SV2C: variants seen among roughly 807,000 people sequenced by gnomAD.
The protein encoded by SV2C is synaptic vesicle glycoprotein 2C.
A neutral mutation model predicts 79.7 loss-of-function variants in SV2C; 49 were observed. The ratio of observed to expected loss-of-function variants is 0.61; its 90% CI spans 0.49 to 0.78. The LOEUF is 0.78. SV2C is among the 30% of genes least tolerant of loss of function. SV2C has a pLI of 0.00. For synonymous variants in SV2C, 334 were observed against 333.2 expected (o/e 1.00, Z -0.03); for missense variants, 833 against 912.9 (o/e 0.91, Z 1.13).
intron 4 of SV2C, among the ~76,000 whole-genome samples, chr5:76,280,698 C>G (rs1021425555): frequency 1.3e-5 from 2 of 152,160 alleles, no homozygotes; most frequent in African/African-American, 2.4e-5. Context: ...CGGGGGGTGC[C>G]TGGGAGGCAG....
chr5:75,969,863 AATATAC>A, the SV2C span, among the ~76,000 whole-genome samples: 5 of 152,132 alleles, frequency 3.3e-5, no homozygotes, highest in African/African-American at 1.2e-4. Flanking sequence ...AAATCAACAG[AATATAC>A]ATTCTTCTCA....
At chr5:76,024,866 T>C in the SV2C span, among the ~76,000 whole-genome samples, 560 of 152,294 alleles carry the variant, frequency 3.7e-3, 7 homozygotes, top group African/African-American at 0.013. Flanking sequence ...AATCTGCTTG[T>C]AAGTGGGCCC....
At chr5:76,198,331 A>G (rs1288769307) in intron 3 of SV2C, among the ~76,000 whole-genome samples, 1 of 152,104 alleles carries the variant, frequency 6.6e-6, no homozygotes, top group Non-Finnish European at 1.5e-5. Context: ...TTATTGCTCT[A>G]TTAGTTCTCA....
At chr5:75,923,883 T>C in the SV2C span, among the ~76,000 whole-genome samples, 5 of 152,192 alleles carry the variant, frequency 3.3e-5, no homozygotes, top group African/African-American at 1.2e-4. Flanking sequence ...AGATCTACCA[T>C]TCGAACCAGC....
At chr5:76,023,686 A>ATATATACATATATATGTATGTGTGTGTG in the SV2C span, among the ~76,000 whole-genome samples, 3 of 93,266 alleles carry the variant, frequency 3.2e-5, no homozygotes, top group African/African-American at 7.6e-5. Flanking sequence ...GTGTGTGTGT[A>ATATATACATATATATGTATGTGTGTGTG]TATATATATA....
At position 76,332,175 on chromosome 5, in the gene SV2C, C is replaced by T. The variant is rs371090332; in HGVS notation, c.*6628C>T. 15 of 152,332 alleles carry T rather than the reference C, an allele frequency of 9.8e-5. No individual in the cohort carries two copies. Among genetic ancestry groups the T allele is most frequent in the African/African-American group, 3.6e-4 (15 of 41,552 alleles). The allele number at this position is 152,332 out of a possible 1,614,324, so 9.4% of individuals were successfully genotyped here. Reference sequence around the variant, plus strand: ...CTCTGCCTACTTTATTGCATTCATGCTCCCCTTAGATCCAAGAGTGCCCAG... The same window carrying T: ...CTCTGCCTACTTTATTGCATTCATGTTCCCCTTAGATCCAAGAGTGCCCAG... On this transcript the variant is annotated 3_prime_UTR_variant, in exon 13 of 13. Transcript: ENST00000502798.
At chr5:76,121,746 G>A (rs952932451) in intron 1 of SV2C, among the ~76,000 whole-genome samples, 1 of 151,924 alleles carries the variant, frequency 6.6e-6, no homozygotes, top group Non-Finnish European at 1.5e-5. Context: ...TTTGGTACCA[G>A]TACCATGCTG....
chr5:76,320,221 T>G (rs1405923595), intron 12 of SV2C, among the ~76,000 whole-genome samples: 1 of 151,144 alleles, frequency 6.6e-6, no homozygotes, highest in Non-Finnish European at 1.5e-5. Flanking sequence ...AGGTTTCAAC[T>G]CTGTGACATC....
chr5:75,861,130 G>C, the SV2C span, among the ~76,000 whole-genome samples: 3 of 151,962 alleles, frequency 2.0e-5, no homozygotes, highest in Admixed American at 6.6e-5. Flanking sequence ...AAATTAACAA[G>C]CAAAAACAAA....
At chr5:76,211,340 A>G (rs1744761337) in intron 4 of SV2C, among the ~76,000 whole-genome samples, 1 of 152,052 alleles carries the variant, frequency 6.6e-6, no homozygotes, top group Non-Finnish European at 1.5e-5. Context: ...TCTGAGCAAT[A>G]CCCCTCAGAA....
chr5:76,162,564 A>G (rs1473633230), intron 2 of SV2C, among the ~76,000 whole-genome samples: 1 of 152,210 alleles, frequency 6.6e-6, no homozygotes, highest in Non-Finnish European at 1.5e-5. Flanking sequence ...TGACAGTCTT[A>G]TCACCTCCAA....
rs753654506 is a variant in SV2C, at chr5:76,301,394, A to G, written c.1849A>G (p.Met617Val). Reference sequence around the variant, plus strand: ...GTCTGCATTGTTGGCAGGTGGCTCTATGGTGCTTTCGGGGATCAGCTGTTT... The same window carrying G: ...GTCTGCATTGTTGGCAGGTGGCTCTGTGGTGCTTTCGGGGATCAGCTGTTT... ...IGRLTMLGGSMVLSGISCFFL... is the reference protein window; with the variant it reads ...IGRLTMLGGSVVLSGISCFFL... Residue 617 changes from methionine (M) to valine (V), a missense_variant, in exon 12 of 13, where the codon ATG becomes GTG. Coordinates refer to ENST00000502798, the MANE Select transcript of SV2C (RefSeq NM_014979.4). The G allele has an allele frequency of 3.1e-6, 5 of 1,613,848 alleles. No homozygotes were observed. Among genetic ancestry groups the G allele is most frequent in the African/African-American group, 1.3e-5 (1 of 74,914 alleles).
At chr5:76,347,696 C>A (rs1749569733) in intron 12 of SV2C, among the ~76,000 whole-genome samples, 1 of 152,188 alleles carries the variant, frequency 6.6e-6, no homozygotes, top group African/African-American at 2.4e-5. Flanking sequence ...CCTGCCTCGG[C>A]CTCCCAAAGT....
chr5:75,923,673 C>G, the SV2C span, among the ~76,000 whole-genome samples: 2 of 152,098 alleles, frequency 1.3e-5, no homozygotes, highest in Non-Finnish European at 2.9e-5. Context: ...CTCAATAACG[C>G]TAATCATCAG....
the SV2C span, among the ~76,000 whole-genome samples, chr5:75,980,369 C>T: frequency 6.6e-6 from 1 of 152,088 alleles, no homozygotes; most frequent in Non-Finnish European, 1.5e-5. Context: ...TTCTATGAGG[C>T]CAGCATTGTC....
intron 1 of SV2C, among the ~76,000 whole-genome samples, chr5:76,122,968 G>A (rs1267284425): frequency 6.6e-6 from 1 of 152,060 alleles, no homozygotes; most frequent in Admixed American, 6.5e-5. Context: ...TTGATAGAAC[G>A]CTAGCAAGAC....
intron 2 of SV2C, among the ~76,000 whole-genome samples, chr5:76,167,343 T>G (rs996717680): frequency 6.6e-6 from 1 of 152,230 alleles, no homozygotes; most frequent in Non-Finnish European, 1.5e-5. Flanking sequence ...CCCTTTTAGC[T>G]CTGTATTTTC....
At chr5:76,283,206 G>C (rs751560924) in intron 4 of SV2C, among the ~76,000 whole-genome samples, 5 of 151,954 alleles carry the variant, frequency 3.3e-5, no homozygotes, top group Non-Finnish European at 7.4e-5. Flanking sequence ...CTAGCTACTC[G>C]GGACTCCTGC....
intron 1 of SV2C, among the ~76,000 whole-genome samples, chr5:76,096,957 G>A (rs9293665): frequency 0.31 from 47,533 of 151,952 alleles, 9,457 homozygotes; most frequent in African/African-American, 0.56. Context: ...TGCATGAGCC[G>A]ATTCCTTATA....
Sources: allele counts gnomAD v4.1 joint callset (sites outside exome capture counted in the v4.1 genomes callset), GRCh38; gene constraint gnomAD v4.1.1; transcripts MANE v1.5; gene names NCBI Gene and HGNC (gene_info 2026-07-23, HGNC 2026-07-21).